The following RMND5B variants were observed in gnomAD, a reference collection of about 807,000 sequenced individuals.
The protein encoded by RMND5B is E3 ubiquitin-protein transferase RMND5B.
In RMND5B, 42 loss-of-function variants were observed where a neutral mutation model predicts 50.4. That is an observed-to-expected ratio of 0.83 (90% CI 0.65 to 1.08). The LOEUF is 1.08. RMND5B is among the 50% of genes least tolerant of loss of function. The pLI, the probability that RMND5B is intolerant of heterozygous loss-of-function variation, is 0.00. For missense variants in RMND5B, 463 were observed against 508.5 expected (o/e 0.91, Z 0.86); for synonymous variants, 220 against 210.0 (o/e 1.05, Z -0.41).
intron 2 of RMND5B, among the ~76,000 whole-genome samples, chr5:178,132,351 G>T (rs932459132): frequency 6.6e-6 from 1 of 152,100 alleles, no homozygotes; most frequent in Non-Finnish European, 1.5e-5. Context: ...TGAGGCAGGA[G>T]AATCGCTTGA....
At position 178,138,113 on chromosome 5, in the gene RMND5B, G is replaced by C. The variant is rs1177683405; in HGVS notation, c.-7G>C. The C allele has an allele frequency of 6.3e-7, 1 of 1,585,944 alleles. No homozygotes were observed. The highest frequency in any genetic ancestry group is 1.3e-5 in the African/African-American group (1 of 74,248). On this transcript the variant is annotated 5_prime_UTR_variant, in exon 3 of 11. Transcript: ENST00000313386. The surrounding 1 kb of genome is among the most constrained non-coding windows in gnomAD (Gnocchi z 5.1). Reference sequence around the variant, plus strand: ...ACCCAGCTGACCCTCCCCAGGCTGAGGCCACCATGGAGCAGTGTGCGTGCG... The same window carrying C: ...ACCCAGCTGACCCTCCCCAGGCTGACGCCACCATGGAGCAGTGTGCGTGCG...
At position 178,137,952 on chromosome 5, in the gene RMND5B, C is replaced by G. The variant is rs1367224152; in HGVS notation, c.-12-156C>G. ...GAGGAGATGGGATGTTATATGCTTA[C>G]CAAAACATAGGTACATATATACATA... On this transcript the variant is annotated intron_variant, in intron 2 of 10. Transcript: ENST00000313386. The surrounding 1 kb of genome is among the most constrained non-coding windows in gnomAD (Gnocchi z 4.4). Among the ~76,000 whole-genome samples the G allele has an allele frequency of 7.2e-5, 11 of 152,048 alleles. No individual in the cohort carries two copies. Among genetic ancestry groups the G allele is most frequent in the Non-Finnish European group, 1.5e-4 (10 of 67,984 alleles).
rs1756175346 is a variant in RMND5B, at chr5:178,148,632, T to A, written c.*600T>A. 6.5e-6 allele frequency: 1 copy of A among 154,202 alleles called. No homozygotes were observed. Among genetic ancestry groups the A allele is most frequent in the Non-Finnish European group, 1.4e-5 (1 of 69,512 alleles). 9.6% of individuals were successfully genotyped at this position (154,202 alleles called of 1,614,324 possible). The stretch of plus-strand genomic sequence containing the variant: ...CCACATGTCTACCACACACAGGGAC[T>A]GGGCACGGCCTGGTGGCTGCCGCAA... On this transcript the variant is annotated 3_prime_UTR_variant, in exon 11 of 11. Transcript: ENST00000313386.
intron 3 of RMND5B, among the ~76,000 whole-genome samples, chr5:178,139,711 T>A (rs1758811278): frequency 8.4e-6 from 1 of 118,536 alleles, no homozygotes; most frequent in African/African-American, 3.7e-5. Context: ...GCCTGGCTAA[T>A]TTTTTTTTTT....
chr5:178,143,889 C>G, intron 6 of RMND5B, 53 bp from the exon 7 acceptor site: 1 of 1,559,166 alleles, frequency 6.4e-7, no homozygotes, highest in Non-Finnish European at 8.7e-7. Flanking sequence ...GGTGCTGGCT[C>G]TCAGGTCCTA....
intron 4 of RMND5B, 56 bp downstream of exon 4, chr5:178,142,784 A>G: frequency 6.2e-7 from 1 of 1,614,240 alleles, no homozygotes. Context: ...GCTGGGATGT[A>G]CAAGGACTCG....
chr5:178,148,039 CCTGGA>C lies in RMND5B; in HGVS notation c.*8_*12del. The C allele has an allele frequency of 6.2e-7, 1 of 1,613,814 alleles. No homozygotes were observed. Among genetic ancestry groups the C allele is most frequent in the Non-Finnish European group, 8.5e-7 (1 of 1,179,810 alleles). On this transcript the variant is annotated 3_prime_UTR_variant, in exon 11 of 11. Transcript: ENST00000313386. ...GAAACGCATCATATTCTGATTCCTA[CCTGGA>C]AGGAATTTTGTTGAAAGGGGTTTTC...
At chr5:178,131,547 T>G (rs139881029) in intron 2 of RMND5B, among the ~76,000 whole-genome samples, 171 bp downstream of exon 2, 43 of 145,372 alleles carry the variant, frequency 3.0e-4, no homozygotes, top group Admixed American at 8.4e-4. Context: ...AAAGAAAGAT[T>G]AGAAACTTCA....
In RMND5B at chr5:178,147,718, G is replaced by A. The variant is rs1217998149; in HGVS notation, c.964-11G>A. 6.2e-7 allele frequency: 1 copy of A among 1,614,054 alleles called. No individual in the cohort carries two copies. ...GGAAGTGGAACTCACCCGCTTCGCT[G>A]CCCTTCCCAGATTGAGATTGAACTA... On this transcript the variant is annotated splice_polypyrimidine_tract_variant and intron_variant, in intron 9 of 10. Transcript: ENST00000313386.
rs1207082374 is a variant in RMND5B, at chr5:178,149,987, C to T, written c.*1955C>T. ...ATTTAAAAGCATCTTGAATTGGTTG[C>T]CATCATTTAAACTCAATCAGACTTT... On this transcript the variant is annotated 3_prime_UTR_variant, in exon 11 of 11. Coordinates refer to ENST00000313386, the MANE Select transcript of RMND5B (RefSeq NM_022762.5). 14 of 837,202 alleles carry T rather than the reference C, an allele frequency of 1.7e-5. No homozygotes were observed. In the Admixed American group the frequency reaches 4.1e-4, roughly 24 times the overall value. The allele number at this position is 837,202 out of a possible 1,614,324, so 51.9% of individuals were successfully genotyped here. A position where few individuals can be genotyped will look rare whatever the true frequency, so the allele number is the denominator to read the frequency against.
intron 5 of RMND5B, 91 bp downstream of exon 5, chr5:178,143,083 C>A: frequency 7.1e-7 from 1 of 1,413,036 alleles, no homozygotes; most frequent in South Asian, 1.4e-5. Flanking sequence ...ATTCTCAAAT[C>A]CATTTATTTC....
intron 2 of RMND5B, among the ~76,000 whole-genome samples, chr5:178,133,083 TCAAACTCC>T (rs1321965158): frequency 1.3e-5 from 2 of 152,088 alleles, no homozygotes; most frequent in Non-Finnish European, 2.9e-5. Flanking sequence ...CAGGCTGGTC[TCAAACTCC>T]TGACCTTGTG....
chr5:178,141,255 G>C (rs1758922610), intron 3 of RMND5B: 1 of 152,214 alleles, frequency 6.6e-6, no homozygotes, highest in Non-Finnish European at 1.5e-5. Flanking sequence ...TGTAATCCCA[G>C]CACTTTGGGA....
chr5:178,149,415 G>T lies in RMND5B; in HGVS notation c.*1383G>T, dbSNP rs1756200655. The T allele has an allele frequency of 2.7e-6, 1 of 369,648 alleles. No homozygotes were observed. Among genetic ancestry groups the T allele is most frequent in the African/African-American group, 2.1e-5 (1 of 47,544 alleles). The allele number at this position is 369,648 out of a possible 1,614,324, so 22.9% of individuals were successfully genotyped here. A position where few individuals can be genotyped will look rare whatever the true frequency, so the allele number is the denominator to read the frequency against. On this transcript the variant is annotated 3_prime_UTR_variant, in exon 11 of 11. Transcript: ENST00000313386. ...ACTCTTCCCGCCCACCAACTCGCTG[G>T]CCCAACCAGCAGCTGCTGCTTAAGA...
chr5:178,140,340 A>ATT (rs59166409), intron 3 of RMND5B, among the ~76,000 whole-genome samples: 73 of 144,834 alleles, frequency 5.0e-4, no homozygotes, highest in East Asian at 2.3e-3. Context: ...GGCCCTGCTA[A>ATT]TTTTTTTTTT....
In RMND5B at chr5:178,140,366, C is replaced by T. The variant is rs1405599721; in HGVS notation, c.139+2108C>T. Among the ~76,000 whole-genome samples, 3 of 150,366 alleles carry T rather than the reference C, an allele frequency of 2.0e-5. No homozygotes were observed. In the East Asian group the frequency reaches 5.9e-4, roughly 30 times the overall value. On this transcript the variant is annotated intron_variant, in intron 3 of 10. Coordinates refer to ENST00000313386, the MANE Select transcript of RMND5B (RefSeq NM_022762.5). ...TTTTTTTTTTTTTTTATTGTAGAGA[C>T]AGGGTCTCCCTATGCTGTCCAAGAC...
Position 178,144,009 on chromosome 5 carries a change from C to A in RMND5B, c.595C>A (p.Leu199Met). Residue 199 changes from leucine (L) to methionine (M), a missense_variant, in exon 7 of 11, where the codon CTG becomes ATG. By Grantham distance (15) the Leu-to-Met change is conservative (BLOSUM62 2). Coordinates refer to ENST00000313386, the MANE Select transcript of RMND5B (RefSeq NM_022762.5). ...NSSLEFKLHR[L>M]HFIRLLAGGP... ...CTCCCTGGAGTTCAAGCTGCACCGA[C>A]TGCACTTCATCCGCCTCTTGGCAGG... The A allele has an allele frequency of 1.2e-6, 2 of 1,614,280 alleles. No individual in the cohort carries two copies. The highest frequency in any genetic ancestry group is 1.7e-6 in the Non-Finnish European group (2 of 1,180,044).
At chr5:178,135,177 T>C in intron 2 of RMND5B, 1 of 97,324 alleles carries the variant, frequency 1.0e-5, no homozygotes, top group Non-Finnish European at 2.2e-5. Flanking sequence ...AGACAGGGTC[T>C]CACTCTTGCT....
At chr5:178,142,433 G>A in intron 3 of RMND5B, 150 bp from the exon 4 acceptor site, 2 of 880,120 alleles carry the variant, frequency 2.3e-6, no homozygotes, top group Non-Finnish European at 3.6e-6. Flanking sequence ...AAAAGTGGCA[G>A]GACCTGGAAG....
Sources: allele counts gnomAD v4.1 joint callset (sites outside exome capture counted in the v4.1 genomes callset), GRCh38; gene constraint gnomAD v4.1.1; non-coding constraint Gnocchi (gnomAD v3.1); transcripts MANE v1.5; gene names NCBI Gene and HGNC (gene_info 2026-07-23, HGNC 2026-07-21).